Variants in PYROXD2 observed in about 807,000 individuals in gnomAD.
The protein encoded by PYROXD2 is pyridine nucleotide-disulfide oxidoreductase domain-containing protein 2.
A neutral mutation model predicts 71.1 loss-of-function variants in PYROXD2; 69 were observed. The ratio of observed to expected loss-of-function variants is 0.97; its 90% CI spans 0.80 to 1.19. The LOEUF is 1.19. Ranked by LOEUF, PYROXD2 falls within the 50% of genes most tolerant of loss-of-function variation. The pLI, the probability that PYROXD2 is intolerant of heterozygous loss-of-function variation, is 0.00. For synonymous variants in PYROXD2, 287 were observed against 302.7 expected (o/e 0.95, Z 0.54); for missense variants, 745 against 748.9 (o/e 0.99, Z 0.06).
chr10:98,397,322 C>T (rs1843222745), intron 6 of PYROXD2, 23 bp downstream of exon 6: 2 of 1,565,136 alleles, frequency 1.3e-6, no homozygotes, highest in Non-Finnish European at 1.7e-6. Context: ...TCATCATGCC[C>T]TGGTGCCTGC....
rs546475878 is a variant in PYROXD2, at chr10:98,395,044, T to C, written c.785+152A>G. ...CTCAGATGTTGCTCTGAGGGTTAAG[T>C]GGATCGTGTGTGATGTGCCTGGCTC... On this transcript the variant is annotated intron_variant, in intron 8 of 15. Transcript: ENST00000370575. 152 of 674,538 alleles carry C rather than the reference T, an allele frequency of 2.3e-4. 1 individual carries two copies. The South Asian group carries it at 2.6e-3, about 12-fold the overall frequency. 41.8% of individuals were successfully genotyped at this position (674,538 alleles called of 1,614,324 possible). A position where few individuals can be genotyped will look rare whatever the true frequency, so the allele number is the denominator to read the frequency against.
chr10:98,389,348 C>T (rs1040658560), intron 12 of PYROXD2, among the ~76,000 whole-genome samples: 2 of 152,194 alleles, frequency 1.3e-5, no homozygotes, highest in African/African-American at 4.8e-5. Flanking sequence ...CCTGCCCCCA[C>T]CCTTGTCCAA....
At position 98,407,998 on chromosome 10, in the gene PYROXD2, C is replaced by A; in HGVS notation, c.148-1G>T. The A allele has an allele frequency of 6.2e-7, 1 of 1,600,310 alleles. No individual in the cohort carries two copies. ...CCCCCAGTCTCTGCAGGTACGCTGC[C>A]TGGGAAGTGGGGCAGCACACAGGGC... On this transcript the variant is annotated splice_acceptor_variant, in intron 2 of 15. Coordinates refer to ENST00000370575, the MANE Select transcript of PYROXD2 (RefSeq NM_032709.3). LOFTEE classifies it high-confidence loss of function.
At chr10:98,387,066 G>C in intron 14 of PYROXD2, 135 bp downstream of exon 14, 1 of 618,968 alleles carries the variant, frequency 1.6e-6, no homozygotes, top group African/African-American at 1.9e-5. Context: ...TCTCTCAGCC[G>C]GGGTCCCTGC....
intron 4 of PYROXD2, among the ~76,000 whole-genome samples, chr10:98,405,940 A>G (rs1564808875): frequency 6.6e-6 from 1 of 152,262 alleles, no homozygotes; most frequent in Non-Finnish European, 1.5e-5. Flanking sequence ...CAATTGAGAT[A>G]GAACATTAAG....
intron 4 of PYROXD2, among the ~76,000 whole-genome samples, chr10:98,403,094 C>G (rs969255180): frequency 3.3e-5 from 5 of 152,226 alleles, no homozygotes; most frequent in African/African-American, 1.2e-4. Context: ...CGCCGCAGCT[C>G]TGGACACTCT....
In PYROXD2 at chr10:98,409,120, C is replaced by A. The variant is rs912184147; in HGVS notation, c.148-1123G>T. On this transcript the variant is annotated intron_variant, in intron 2 of 15. Coordinates refer to ENST00000370575, the MANE Select transcript of PYROXD2 (RefSeq NM_032709.3). Reference sequence around the variant, plus strand: ...TGAGCTGCGTCATTCTCCTATTACACAGGAACGATCTCACAGATTGACAAC... The same window carrying A: ...TGAGCTGCGTCATTCTCCTATTACAAAGGAACGATCTCACAGATTGACAAC... Among the ~76,000 whole-genome samples, 6 of 152,346 alleles carry A rather than the reference C, an allele frequency of 3.9e-5. No individual in the cohort carries two copies. The South Asian group carries it at 1.2e-3, about 32-fold the overall frequency.
intron 4 of PYROXD2, among the ~76,000 whole-genome samples, chr10:98,401,348 G>A (rs1397430529): frequency 1.3e-5 from 2 of 151,846 alleles, no homozygotes; most frequent in East Asian, 3.9e-4. Context: ...GAGCCCTCAT[G>A]ATGAATGGAG....
chr10:98,408,425 G>A (rs566131962), intron 2 of PYROXD2, among the ~76,000 whole-genome samples: 3 of 152,306 alleles, frequency 2.0e-5, no homozygotes, highest in East Asian at 1.9e-4. Flanking sequence ...TCAGTCCCTC[G>A]TTCTCTCTCT....
At chr10:98,410,507 G>C (rs2136034707) in intron 2 of PYROXD2, 1 of 181,586 alleles carries the variant, frequency 5.5e-6, no homozygotes, top group Non-Finnish European at 1.1e-5. Flanking sequence ...GGTGGTACCT[G>C]GCCTGGACCT....
chr10:98,394,008 A>T (rs548539566), intron 8 of PYROXD2, among the ~76,000 whole-genome samples: 1 of 152,108 alleles, frequency 6.6e-6, no homozygotes, highest in Non-Finnish European at 1.5e-5. Context: ...TTTGGGTCTC[A>T]GATCAAACAC....
In PYROXD2 at chr10:98,387,321, A is replaced by T. The variant is rs1239398302; in HGVS notation, c.1448-14T>A. The T allele has an allele frequency of 6.3e-7, 1 of 1,593,784 alleles. No homozygotes were observed. Among genetic ancestry groups the T allele is most frequent in the Admixed American group, 1.7e-5 (1 of 59,920 alleles). ...TGCAATCAAACACTGGGGTGCCAAA[A>T]ACAGAGAAATGAGATGGTGTTAGGA... is the stretch of plus-strand genomic sequence containing the variant. On this transcript the variant is annotated splice_polypyrimidine_tract_variant and intron_variant, in intron 13 of 15. Coordinates refer to ENST00000370575, the MANE Select transcript of PYROXD2 (RefSeq NM_032709.3).
At chr10:98,388,981 C>G (rs1244622694) in intron 12 of PYROXD2, among the ~76,000 whole-genome samples, 1 of 152,174 alleles carries the variant, frequency 6.6e-6, no homozygotes, top group Non-Finnish European at 1.5e-5. Context: ...CCCACCCCAC[C>G]ACCTTTGCCT....
chr10:98,400,365 T>C, intron 4 of PYROXD2, 108 bp from the exon 5 acceptor site: 2 of 1,084,696 alleles, frequency 1.8e-6, no homozygotes, highest in Non-Finnish European at 1.3e-6. Flanking sequence ...GTGTGTAGGT[T>C]CCCAAGTGTA....
chr10:98,387,017 G>A (rs1199809838), intron 14 of PYROXD2, among the ~76,000 whole-genome samples, 184 bp downstream of exon 14: 1 of 152,170 alleles, frequency 6.6e-6, no homozygotes, highest in Admixed American at 6.5e-5. Context: ...GCCCCCACTA[G>A]GGATCCCCCA....
chr10:98,388,105 A>G (rs1474739572), intron 13 of PYROXD2: 3 of 498,622 alleles, frequency 6.0e-6, no homozygotes, highest in Non-Finnish European at 1.1e-5. Flanking sequence ...AGGTTTCTTA[A>G]TTAGTCTCCT....
At position 98,387,930 on chromosome 10, in the gene PYROXD2, G is replaced by A. The variant is rs1287962648; in HGVS notation, c.1447+424C>T. ...ATTACAGGCATGAGCCCCCACGCCT[G>A]GCCTGATCAAGCTGTTTCTCTTGCT... On this transcript the variant is annotated intron_variant, in intron 13 of 15. Coordinates refer to ENST00000370575, the MANE Select transcript of PYROXD2 (RefSeq NM_032709.3). 1.7e-5 allele frequency: 4 copies of A among 231,326 alleles called. 1 individual carries two copies. Among genetic ancestry groups the A allele is most frequent in the South Asian group, 1.0e-4 (2 of 19,088 alleles). 14.3% of individuals were successfully genotyped at this position (231,326 alleles called of 1,614,324 possible).
chr10:98,384,188 T>C (rs1269167982), intron 15 of PYROXD2, among the ~76,000 whole-genome samples: 1 of 151,978 alleles, frequency 6.6e-6, no homozygotes, highest in East Asian at 1.9e-4. Context: ...GGGGAAGATG[T>C]GTAAGCCCAG....
At chr10:98,405,504 G>A (rs1843567856) in intron 4 of PYROXD2, among the ~76,000 whole-genome samples, 1 of 152,206 alleles carries the variant, frequency 6.6e-6, no homozygotes, top group African/African-American at 2.4e-5. Context: ...CAAGTACTGA[G>A]CCCTCTGTGC....
Sources: allele counts gnomAD v4.1 joint callset (sites outside exome capture counted in the v4.1 genomes callset), GRCh38; gene constraint gnomAD v4.1.1; transcripts MANE v1.5; gene names NCBI Gene and HGNC (gene_info 2026-07-23, HGNC 2026-07-21).